FSHR: variants seen among roughly 807,000 people sequenced by gnomAD.
FSHR encodes follicle-stimulating hormone receptor.
Under a neutral mutation model 52.1 loss-of-function variants are expected in FSHR, and 46 were observed. The observed-to-expected ratio is 0.88, with a 90% confidence interval of 0.70 to 1.13. The LOEUF (loss-of-function observed/expected upper bound fraction) is 1.13. Among genes scored for constraint, FSHR ranks in the 50% most tolerant of loss-of-function variants. The probability of loss-of-function intolerance (pLI) is 0.00; values close to 1 mark genes in which losing one functional copy is unlikely to be tolerated. For missense variants in FSHR, 964 were observed against 834.6 expected (o/e 1.16, Z -1.91); for synonymous variants, 399 against 309.6 (o/e 1.29, Z -3.03).
intron 1 of FSHR, among the ~76,000 whole-genome samples, chr2:49,117,318 C>T (rs1671638589): frequency 6.6e-6 from 1 of 152,160 alleles, no homozygotes; most frequent in Non-Finnish European, 1.5e-5. Flanking sequence ...TCATCGGTGT[C>T]ATTAGGGGGA....
At chr2:49,071,028 A>G (rs72877890) in intron 1 of FSHR, among the ~76,000 whole-genome samples, 2,660 of 152,218 alleles carry the variant, frequency 0.017, 81 homozygotes, top group African/African-American at 0.061. Context: ...CTTGGAGGCT[A>G]AGGGATTTAC....
intron 4 of FSHR, among the ~76,000 whole-genome samples, chr2:49,009,432 T>G (rs1416148860): frequency 1.3e-5 from 2 of 151,290 alleles, no homozygotes; most frequent in African/African-American, 2.4e-5. Context: ...TACTGTAGCC[T>G]TGTAGTATAG....
chr2:48,986,238 CT>C (rs1371080449), intron 6 of FSHR, among the ~76,000 whole-genome samples: 1 of 152,070 alleles, frequency 6.6e-6, no homozygotes, highest in Admixed American at 6.6e-5. Flanking sequence ...TTTTCTGTCC[CT>C]GTGTTAGTTT....
In FSHR at chr2:48,995,429, G is replaced by A. The variant is rs558137156; in HGVS notation, c.375-4792C>T. Among the ~76,000 whole-genome samples the A allele has an allele frequency of 2.6e-5, 4 of 152,198 alleles. No homozygotes were observed. The South Asian group carries it at 8.3e-4, about 32-fold the overall frequency. Reference sequence around the variant, plus strand: ...TATCTTAGAAACTACAGAGCCTTCTGGCCTAAACTAAGAGTAGCAAGTGTG... The same window carrying A: ...TATCTTAGAAACTACAGAGCCTTCTAGCCTAAACTAAGAGTAGCAAGTGTG... On this transcript the variant is annotated intron_variant, in intron 4 of 9. Transcript: ENST00000406846.
intron 8 of FSHR, among the ~76,000 whole-genome samples, chr2:48,977,123 CCTCTCT>C (rs10558428): frequency 3.3e-5 from 5 of 149,452 alleles, no homozygotes; most frequent in Admixed American, 6.7e-5. Context: ...AATCCCCTCT[CCTCTCT>C]CTCTCTCTCT....
In FSHR at chr2:49,154,374, C is replaced by G; in HGVS notation, c.44G>C (p.Gly15Ala). The part of the protein sequence containing the change: ...LVSLLAFLSL[G>A]SGCHHRICHC... ...ACAGATCCGATGATGACATCCTGAG[C>G]CCAAGCTCAGGAATGCCAGCAAAGA... is the stretch of plus-strand genomic sequence containing the variant. Residue 15 changes from glycine (G) to alanine (A), a missense_variant, in exon 1 of 10, where the codon GGC becomes GCC. Transcript: ENST00000406846. 6.2e-7 allele frequency: 1 copy of G among 1,613,284 alleles called. No individual in the cohort carries two copies. Among genetic ancestry groups the G allele is most frequent in the Non-Finnish European group, 8.5e-7 (1 of 1,179,896 alleles).
chr2:49,029,316 C>T (rs911285739), intron 2 of FSHR, among the ~76,000 whole-genome samples: 14 of 152,040 alleles, frequency 9.2e-5, no homozygotes, highest in Middle Eastern at 3.4e-3. Flanking sequence ...TCAACTGTTT[C>T]GTGAAAAAAC....
rs748551523 is a variant in FSHR, at chr2:48,963,942, G to T, written c.879C>A (p.Asn293Lys). 3 of 1,613,412 alleles carry T rather than the reference G, an allele frequency of 1.9e-6. No homozygotes were observed. In the African/African-American group the frequency reaches 4.0e-5, roughly 22 times the overall value. ...RQISELHPIC[N>K]KSILRQEVDY... ...CAACTTCTTGCCTTAAAATAGATTT[G>T]TTGCAAATTGGATGAAGCTCAGAGC... Residue 293 changes from asparagine (N) to lysine (K), a missense_variant, in exon 10 of 10, where the codon AAC becomes AAA. Asn to Lys is a moderately conservative substitution (Grantham distance 94, BLOSUM62 0). Coordinates refer to ENST00000406846, the MANE Select transcript of FSHR (RefSeq NM_000145.4).
At chr2:49,085,292 A>G (rs547657708) in intron 1 of FSHR, among the ~76,000 whole-genome samples, 12 of 152,382 alleles carry the variant, frequency 7.9e-5, no homozygotes, top group South Asian at 4.1e-4. Flanking sequence ...ACAAAATTCA[A>G]CAACCTTCAT....
At chr2:48,969,245 C>T (rs1433595146) in intron 8 of FSHR, among the ~76,000 whole-genome samples, 7 of 152,176 alleles carry the variant, frequency 4.6e-5, no homozygotes, top group Non-Finnish European at 1.0e-4. Context: ...GGGATTGAGA[C>T]CATTTGTCTG....
intron 4 of FSHR, among the ~76,000 whole-genome samples, chr2:49,016,632 C>G (rs543043026): frequency 1.3e-5 from 2 of 152,198 alleles, no homozygotes; most frequent in East Asian, 1.9e-4. Flanking sequence ...TCAGGCAGAC[C>G]TAGTCCAGAT....
At chr2:49,016,325 A>C (rs956400948) in intron 4 of FSHR, among the ~76,000 whole-genome samples, 1 of 152,182 alleles carries the variant, frequency 6.6e-6, no homozygotes, top group Non-Finnish European at 1.5e-5. Context: ...TTTCCCATCA[A>C]GAAGTAGCAT....
chr2:49,119,029 C>A (rs1003794508), intron 1 of FSHR, among the ~76,000 whole-genome samples: 1 of 152,194 alleles, frequency 6.6e-6, no homozygotes, highest in Non-Finnish European at 1.5e-5. Flanking sequence ...TAGACACCAA[C>A]AGGATCCAGG....
At chr2:49,146,081 A>C (rs1234075835) in intron 1 of FSHR, among the ~76,000 whole-genome samples, 1 of 152,056 alleles carries the variant, frequency 6.6e-6, no homozygotes, top group Non-Finnish European at 1.5e-5. Context: ...TTTTGTTCTG[A>C]ATTTGGGCAT....
intron 8 of FSHR, among the ~76,000 whole-genome samples, chr2:48,971,864 T>C (rs1405430765): frequency 6.6e-6 from 1 of 152,214 alleles, no homozygotes; most frequent in Non-Finnish European, 1.5e-5. Flanking sequence ...TGAAAGTTTC[T>C]TCTTATTTGC....
intron 1 of FSHR, among the ~76,000 whole-genome samples, chr2:49,114,532 A>G: frequency 6.6e-6 from 1 of 152,212 alleles, no homozygotes. Context: ...CTAAACAGCC[A>G]TATAACCTTG....
At chr2:49,127,894 TC>T (rs368773992) in intron 1 of FSHR, among the ~76,000 whole-genome samples, 2,236 of 39,530 alleles carry the variant, frequency 0.057, 420 homozygotes, top group Middle Eastern at 0.094. Flanking sequence ...TTCTTCTTCT[TC>T]TTCTTTTTTT....
At chr2:48,992,433 T>C (rs1675827094) in intron 4 of FSHR, among the ~76,000 whole-genome samples, 1 of 152,222 alleles carries the variant, frequency 6.6e-6, no homozygotes, top group Admixed American at 6.5e-5. Flanking sequence ...TCATCCATGA[T>C]GTCCCCCACT....
chr2:49,132,017 A>AT (rs1264706076), intron 1 of FSHR, among the ~76,000 whole-genome samples: 12 of 152,060 alleles, frequency 7.9e-5, no homozygotes, highest in African/African-American at 2.4e-4. Context: ...GCCTTATTCT[A>AT]TTTTTCTGTG....
Sources: allele counts gnomAD v4.1 joint callset (sites outside exome capture counted in the v4.1 genomes callset), GRCh38; gene constraint gnomAD v4.1.1; transcripts MANE v1.5; gene names NCBI Gene and HGNC (gene_info 2026-07-23, HGNC 2026-07-21).